PLD5: variants seen among roughly 807,000 people sequenced by gnomAD.
The protein encoded by PLD5 is phospholipase D family member 5, also known as inactive phospholipase D5.
In PLD5, 36 loss-of-function variants were observed where a neutral mutation model predicts 61.1. The ratio of observed to expected loss-of-function variants is 0.59; its 90% confidence interval spans 0.45 to 0.78. The LOEUF (loss-of-function observed/expected upper bound fraction) is 0.78. Among genes scored for constraint, PLD5 ranks in the 30% least tolerant of loss-of-function variants. PLD5 has a pLI of 0.00. For missense variants in PLD5, 515 were observed against 644.4 expected, an observed-to-expected ratio of 0.80 and a Z score of 2.17; for synonymous variants, 243 against 242.8, an observed-to-expected ratio of 1.00 and a Z score of -0.01.
intron 5 of PLD5, among the ~76,000 whole-genome samples, chr1:242,180,023 A>C (rs1485499083): frequency 6.6e-6 from 1 of 152,178 alleles, no homozygotes; most frequent in Non-Finnish European, 1.5e-5. Context: ...GTGCACACTC[A>C]CTAAAATCTC....
At chr1:242,436,056 G>A (rs763413065) in intron 1 of PLD5, among the ~76,000 whole-genome samples, 21 of 152,242 alleles carry the variant, frequency 1.4e-4, no homozygotes, top group Non-Finnish European at 2.6e-4. Context: ...TATCAGAAAA[G>A]TATTCTTGTG....
chr1:242,481,066 G>T (rs1348870939), intron 1 of PLD5, among the ~76,000 whole-genome samples: 1 of 152,024 alleles, frequency 6.6e-6, no homozygotes, highest in Non-Finnish European at 1.5e-5. Flanking sequence ...GCCAAATAAA[G>T]ACTTCTGGGG....
intron 1 of PLD5, among the ~76,000 whole-genome samples, chr1:242,391,280 A>G (rs1322076638): frequency 6.6e-6 from 1 of 152,204 alleles, no homozygotes; most frequent in Non-Finnish European, 1.5e-5. Context: ...GTCTGGGGCA[A>G]TGGAGTTTTC....
At chr1:242,437,467 T>C (rs980069834) in intron 1 of PLD5, among the ~76,000 whole-genome samples, 15 of 152,106 alleles carry the variant, frequency 9.9e-5, no homozygotes, top group Admixed American at 7.2e-4. Flanking sequence ...GAAGCCGAGA[T>C]GGGCGGATCA....
At chr1:242,522,666 G>C (rs1456340420) in intron 1 of PLD5, among the ~76,000 whole-genome samples, 1 of 152,172 alleles carries the variant, frequency 6.6e-6, no homozygotes, top group Non-Finnish European at 1.5e-5. Context: ...CATGCTCTTT[G>C]CATGTAATGC....
intron 4 of PLD5, among the ~76,000 whole-genome samples, chr1:242,243,094 G>A (rs1672159218): frequency 1.3e-5 from 2 of 152,224 alleles, no homozygotes; most frequent in Admixed American, 1.3e-4. Context: ...ATAAGGAAAG[G>A]AGGCATCTGG....
At chr1:242,299,549 A>G (rs1675907890) in intron 2 of PLD5, among the ~76,000 whole-genome samples, 3 of 152,206 alleles carry the variant, frequency 2.0e-5, no homozygotes, top group African/African-American at 4.8e-5. Flanking sequence ...CTTAATCACA[A>G]CACTCCATTG....
chr1:242,106,251 C>A (rs1032449210), intron 8 of PLD5, among the ~76,000 whole-genome samples: 1 of 152,142 alleles, frequency 6.6e-6, no homozygotes, highest in Admixed American at 6.6e-5. Flanking sequence ...GGAATTGTTA[C>A]GGTTTTATTT....
intron 5 of PLD5, among the ~76,000 whole-genome samples, chr1:242,202,469 A>G (rs1424508265): frequency 6.6e-6 from 1 of 152,110 alleles, no homozygotes; most frequent in Non-Finnish European, 1.5e-5. Flanking sequence ...TCAAACATAC[A>G]GCCTTGTCAT....
At chr1:242,418,316 G>T (rs1266636046) in intron 1 of PLD5, among the ~76,000 whole-genome samples, 3 of 152,108 alleles carry the variant, frequency 2.0e-5, no homozygotes, top group Non-Finnish European at 4.4e-5. Flanking sequence ...GTTTTGATCT[G>T]GTTGTGTTAG....
rs1670773950 is a variant in PLD5 at position 242,224,044 on chromosome 1, G to A, written c.608-3929C>T. Among the ~76,000 whole-genome samples the A allele has an allele frequency of 3.9e-5, 6 of 152,214 alleles. No homozygotes were observed. In the South Asian group the frequency reaches 1.2e-3, roughly 32 times the overall value. The stretch of plus-strand genomic sequence containing the variant: ...TAGGAAGCGATGGTTAAAATATAAT[G>A]CTGTCTGACTACAAAACATATTTAA... On this transcript the variant is annotated intron_variant, in intron 4 of 9. Transcript: ENST00000536534.
intron 5 of PLD5, among the ~76,000 whole-genome samples, chr1:242,207,434 G>A (rs1669390746): frequency 6.6e-6 from 1 of 152,034 alleles, no homozygotes; most frequent in Non-Finnish European, 1.5e-5. Flanking sequence ...CTGGGCATCT[G>A]CATTGGTCCC....
At chr1:242,198,070 C>CTGAATGAA (rs58830670) in intron 5 of PLD5, among the ~76,000 whole-genome samples, 39,615 of 150,396 alleles carry the variant, frequency 0.26, 5,906 homozygotes, top group East Asian at 0.51. Context: ...CAAATCCTTG[C>CTGAATGAA]TGAATGAATG....
intron 4 of PLD5, among the ~76,000 whole-genome samples, 200 bp downstream of exon 4, chr1:242,265,137 A>G (rs1380465073): frequency 1.3e-5 from 2 of 152,162 alleles, no homozygotes; most frequent in African/African-American, 4.8e-5. Context: ...ACTAATATGC[A>G]ACTGTTTTTT....
chr1:242,233,189 T>TGAAA (rs1317989154), intron 4 of PLD5, among the ~76,000 whole-genome samples: 33 of 151,830 alleles, frequency 2.2e-4, no homozygotes, highest in Non-Finnish European at 4.3e-4. Context: ...AATGAATGAA[T>TGAAA]GAAATAAAAG....
At chr1:242,456,487 A>G (rs1453044961) in intron 1 of PLD5, among the ~76,000 whole-genome samples, 1 of 152,236 alleles carries the variant, frequency 6.6e-6, no homozygotes, top group Non-Finnish European at 1.5e-5. Context: ...TCTAAAAAGA[A>G]AATAAAATCT....
chr1:242,312,389 T>G (rs1177481745), intron 2 of PLD5, among the ~76,000 whole-genome samples: 1 of 152,124 alleles, frequency 6.6e-6, no homozygotes, highest in Non-Finnish European at 1.5e-5. Flanking sequence ...GCCACGTATC[T>G]TCCTTGGACC....
intron 4 of PLD5, among the ~76,000 whole-genome samples, chr1:242,245,594 C>T (rs1224270078): frequency 6.6e-6 from 1 of 152,168 alleles, no homozygotes; most frequent in Non-Finnish European, 1.5e-5. Context: ...CACACCTCCT[C>T]CTCAAAACTA....
chr1:242,208,917 T>C (rs2148977895), intron 5 of PLD5, among the ~76,000 whole-genome samples: 1 of 152,342 alleles, frequency 6.6e-6, no homozygotes, highest in African/African-American at 2.4e-5. Context: ...AAATGCACAA[T>C]TTGAACAACA....
Sources: allele counts gnomAD v4.1 joint callset (sites outside exome capture counted in the v4.1 genomes callset), GRCh38; gene constraint gnomAD v4.1.1; transcripts MANE v1.5; gene names NCBI Gene and HGNC (gene_info 2026-07-23, HGNC 2026-07-21).